NEDD4L: variants seen among roughly 807,000 people sequenced by gnomAD.
The protein encoded by NEDD4L is E3 ubiquitin-protein ligase NEDD4-like.
NEDD4L carries 54 observed loss-of-function variants against 148.9 expected under a neutral mutation model. The observed-to-expected ratio is 0.36, with a 90% CI of 0.29 to 0.45. The LOEUF is 0.45. NEDD4L is among the 20% of genes least tolerant of loss of function. The pLI, the probability that NEDD4L is intolerant of heterozygous loss-of-function variation, is 1.00. For missense variants in NEDD4L, 856 were observed against 1,233.8 expected (o/e 0.69, Z 4.59); for synonymous variants, 433 against 440.7 (o/e 0.98, Z 0.22).
chr18:58,199,397 A>G (rs941717139), intron 2 of NEDD4L, among the ~76,000 whole-genome samples: 3 of 152,096 alleles, frequency 2.0e-5, no homozygotes, highest in African/African-American at 7.2e-5. Context: ...TCTAGTGTGT[A>G]GAGGCCTGGG....
Position 58,397,548 on chromosome 18 carries a change from T to C in NEDD4L, c.*1279T>C, listed in dbSNP as rs1415346172. The C allele has an allele frequency of 6.6e-6, 1 of 152,248 alleles. No individual in the cohort carries two copies. 9.4% of individuals were successfully genotyped at this position (152,248 alleles called of 1,614,324 possible). A position where few individuals can be genotyped will look rare whatever the true frequency, so the allele number is the denominator to read the frequency against. ...AACTACAAAGATTTATTTAATGTAC[T>C]CTTAATCTAACTGAGTTTTGTTACC... On this transcript the variant is annotated 3_prime_UTR_variant, in exon 31 of 31. Transcript: ENST00000400345.
intron 29 of NEDD4L, among the ~76,000 whole-genome samples, chr18:58,391,151 C>A (rs1331377883): frequency 6.6e-6 from 1 of 152,162 alleles, no homozygotes; most frequent in Non-Finnish European, 1.5e-5. Context: ...CTGAAAGTCA[C>A]ATTTCATTCA....
At chr18:58,114,347 AAT>A (rs919315311) in intron 1 of NEDD4L, among the ~76,000 whole-genome samples, 23 of 144,724 alleles carry the variant, frequency 1.6e-4, no homozygotes, top group Admixed American at 4.1e-4. Context: ...ATTTAAAAAA[AAT>A]ATATATATAT....
chr18:58,097,902 A>G (rs533251958), intron 1 of NEDD4L, among the ~76,000 whole-genome samples: 1 of 152,142 alleles, frequency 6.6e-6, no homozygotes, highest in Admixed American at 6.5e-5. Flanking sequence ...GTGGTAGTGA[A>G]CCTATAGTCC....
chr18:58,146,896 A>G (rs1465185274), intron 1 of NEDD4L, among the ~76,000 whole-genome samples: 1 of 147,730 alleles, frequency 6.8e-6, no homozygotes, highest in Non-Finnish European at 1.5e-5. Context: ...GGGCCTGGAA[A>G]TTACGTTGCT....
At position 58,089,126 on chromosome 18, in the gene NEDD4L, A is replaced by ATTTTT. The variant is rs570623396; in HGVS notation, c.48+44439_48+44443dup. Among the ~76,000 whole-genome samples the ATTTTT allele has an allele frequency of 1.5e-3, 152 of 100,954 alleles. 1 individual carries two copies. Among genetic ancestry groups the ATTTTT allele is most frequent in the African/African-American group, 2.6e-3 (65 of 24,952 alleles). The allele number at this position is 100,954 out of a possible 152,430, so 66.2% of individuals were successfully genotyped here. A position where few individuals can be genotyped will look rare whatever the true frequency, so the allele number is the denominator to read the frequency against. On this transcript the variant is annotated intron_variant, in intron 1 of 30. Transcript: ENST00000400345. ...CTACCCATTCAAGTTTTATTTCATA[A>ATTTTT]TTTTTTTTTTTTTTTTTTTTTTTTT...
chr18:58,279,754 T>TA (rs2052715678), intron 5 of NEDD4L, among the ~76,000 whole-genome samples: 1 of 152,254 alleles, frequency 6.6e-6, no homozygotes, highest in Non-Finnish European at 1.5e-5. Context: ...TTTTATGCTC[T>TA]AAATCAGGAG....
At position 58,196,897 on chromosome 18, in the gene NEDD4L, C is replaced by T. The variant is rs113282824; in HGVS notation, c.122+31036C>T. On this transcript the variant is annotated intron_variant, in intron 2 of 30. Coordinates refer to ENST00000400345, the MANE Select transcript of NEDD4L (RefSeq NM_001144967.3). The stretch of plus-strand genomic sequence containing the variant: ...AGGCTGCCTTAGACAAAGGCTGAGA[C>T]GGGAGCTCCTGATGATTTTTATGAG... Among the ~76,000 whole-genome samples the T allele has an allele frequency of 2.4e-4, 36 of 152,012 alleles. 1 individual carries two copies. The South Asian group carries it at 4.4e-3, about 18-fold the overall frequency.
intron 30 of NEDD4L, among the ~76,000 whole-genome samples, chr18:58,394,902 G>A (rs1210204878): frequency 6.6e-6 from 1 of 152,222 alleles, no homozygotes; most frequent in Non-Finnish European, 1.5e-5. Flanking sequence ...TCAATACCTG[G>A]AGGGGGCGGT....
At chr18:58,332,420 G>A (rs2041111833) in intron 11 of NEDD4L, among the ~76,000 whole-genome samples, 1 of 152,174 alleles carries the variant, frequency 6.6e-6, no homozygotes, top group Non-Finnish European at 1.5e-5. Context: ...GGCTGAAGCA[G>A]GCGGATCACC....
intron 5 of NEDD4L, among the ~76,000 whole-genome samples, chr18:58,253,324 A>T (rs2048141279): frequency 6.6e-6 from 1 of 152,194 alleles, no homozygotes; most frequent in Non-Finnish European, 1.5e-5. Context: ...ATAGTTTGGG[A>T]ATGTATTGAA....
chr18:58,261,256 G>A (rs1277731554), intron 5 of NEDD4L, among the ~76,000 whole-genome samples: 1 of 152,326 alleles, frequency 6.6e-6, no homozygotes, highest in East Asian at 1.9e-4. Context: ...GGACTCGTAA[G>A]TATATTTACT....
At position 58,245,455 on chromosome 18, in the gene NEDD4L, G is replaced by A. The variant is rs1600177605; in HGVS notation, c.151G>A (p.Val51Ile). ...SDPYVKLSLY[V>I]ADENRELALV... ...TCCGTATGTGAAACTTTCATTGTAC[G>A]TAGCGGATGAGAATAGAGAACTTGC... Residue 51 changes from valine (V) to isoleucine (I), a missense_variant, in exon 3 of 31, where the codon GTA becomes ATA. This residue lies in a region of NEDD4L where 193 missense variants were observed against 244.2 expected (regional missense o/e 0.79). Coordinates refer to ENST00000400345, the MANE Select transcript of NEDD4L (RefSeq NM_001144967.3). The A allele has an allele frequency of 1.9e-6, 3 of 1,576,822 alleles. No homozygotes were observed. The highest frequency in any genetic ancestry group is 2.6e-6 in the Non-Finnish European group (3 of 1,153,478).
At position 58,256,739 on chromosome 18, in the gene NEDD4L, G is replaced by A. The variant is rs2048636571; in HGVS notation, c.297+4685G>A. 3 of 1,231,926 alleles carry A rather than the reference G, an allele frequency of 2.4e-6. No homozygotes were observed. Among genetic ancestry groups the A allele is most frequent in the African/African-American group, 1.6e-5 (1 of 64,422 alleles). 76.3% of individuals were successfully genotyped at this position (1,231,926 alleles called of 1,614,324 possible). ...TCCCCAGAATCCCGAGGAGAAAAGC[G>A]CCAAAAGCCCTGTTTCCACGGGAGC... On this transcript the variant is annotated intron_variant, in intron 5 of 30. Transcript: ENST00000400345. The surrounding 1 kb of genome is among the most constrained non-coding windows in gnomAD (Gnocchi z 5.2).
chr18:58,175,960 G>A (rs1198758660), intron 2 of NEDD4L, among the ~76,000 whole-genome samples: 2 of 152,196 alleles, frequency 1.3e-5, no homozygotes, highest in Non-Finnish European at 2.9e-5. Flanking sequence ...AATGCACAGA[G>A]CTGGCAAATC....
chr18:58,368,664 T>C (rs1045414355), intron 22 of NEDD4L, among the ~76,000 whole-genome samples: 1 of 152,384 alleles, frequency 6.6e-6, no homozygotes, highest in African/African-American at 2.4e-5. Flanking sequence ...TTAGCTATTC[T>C]AATAAATAAT....
At chr18:58,167,418 ACT>A (rs2036993346) in intron 2 of NEDD4L, among the ~76,000 whole-genome samples, 1 of 151,964 alleles carries the variant, frequency 6.6e-6, no homozygotes, top group Non-Finnish European at 1.5e-5. Context: ...GTTTCCTGAA[ACT>A]CACAAATTTG....
chr18:58,393,655 C>T (rs907713257), intron 30 of NEDD4L, among the ~76,000 whole-genome samples: 3 of 152,226 alleles, frequency 2.0e-5, no homozygotes, highest in Non-Finnish European at 4.4e-5. Flanking sequence ...AATGGCTTTC[C>T]TCCCTACCTG....
At chr18:58,149,529 C>A in intron 1 of NEDD4L, 1 of 1,551,250 alleles carries the variant, frequency 6.4e-7, no homozygotes. Flanking sequence ...ATATTGTATT[C>A]TCCTAAATGA....
Sources: allele counts gnomAD v4.1 joint callset (sites outside exome capture counted in the v4.1 genomes callset), GRCh38; gene constraint gnomAD v4.1.1; regional missense constraint gnomAD v4.1.1; non-coding constraint Gnocchi (gnomAD v3.1); transcripts MANE v1.5; gene names NCBI Gene and HGNC (gene_info 2026-07-23, HGNC 2026-07-21).